COLEC10: variants seen among roughly 807,000 people sequenced by gnomAD.
The protein encoded by COLEC10 is collectin-10.
A neutral mutation model predicts 28.4 loss-of-function variants in COLEC10; 22 were observed. That is an observed-to-expected ratio of 0.78 (90% CI 0.55 to 1.11). The LOEUF is 1.11. Among genes scored for constraint, COLEC10 ranks in the 50% least tolerant of loss-of-function variants. COLEC10 has a pLI of 0.00. For synonymous variants in COLEC10, 125 were observed against 116.1 expected (o/e 1.08, Z -0.49); for missense variants, 361 against 344.1 (o/e 1.05, Z -0.39).
At chr8:119,083,858 T>C (rs1815415382) in intron 1 of COLEC10, among the ~76,000 whole-genome samples, 1 of 152,164 alleles carries the variant, frequency 6.6e-6, no homozygotes, top group South Asian at 2.1e-4. Context: ...AGCTGTTATA[T>C]AGTAAATTCA....
the COLEC10 span, among the ~76,000 whole-genome samples, chr8:118,978,977 A>G: frequency 2.4e-4 from 36 of 152,030 alleles, no homozygotes; most frequent in African/African-American, 8.7e-4. Context: ...TTCTGATTTT[A>G]TTTATGGTGT....
intron 4 of COLEC10, chr8:119,102,639 A>G (rs1815860622): frequency 2.4e-6 from 1 of 411,140 alleles, no homozygotes; most frequent in Non-Finnish European, 4.3e-6. Flanking sequence ...ATGAGAAGAA[A>G]GCCCAGCCCA....
intron 2 of COLEC10, among the ~76,000 whole-genome samples, chr8:119,016,392 T>C (rs1451445084): frequency 1.3e-5 from 2 of 152,206 alleles, no homozygotes; most frequent in African/African-American, 4.8e-5. Context: ...TTCCATGGTA[T>C]GTATGTGCCA....
intron 2 of COLEC10, among the ~76,000 whole-genome samples, chr8:119,046,827 GC>G (rs1297821222): frequency 6.6e-6 from 1 of 152,146 alleles, no homozygotes; most frequent in East Asian, 1.9e-4. Flanking sequence ...GCATGGTGTT[GC>G]CTATTTAGGA....
At chr8:119,037,151 A>G (rs1814403454) in intron 2 of COLEC10, among the ~76,000 whole-genome samples, 1 of 152,148 alleles carries the variant, frequency 6.6e-6, no homozygotes, top group Non-Finnish European at 1.5e-5. Flanking sequence ...CCCATCCCAA[A>G]CCAGAGAAGG....
intron 2 of COLEC10, among the ~76,000 whole-genome samples, chr8:119,048,766 G>C (rs1587018824): frequency 6.6e-6 from 1 of 152,128 alleles, no homozygotes; most frequent in Admixed American, 6.5e-5. Context: ...AGACAGCAGA[G>C]GGTTGGGGCT....
At chr8:119,052,184 T>C (rs1047206127) in intron 2 of COLEC10, among the ~76,000 whole-genome samples, 2 of 152,302 alleles carry the variant, frequency 1.3e-5, no homozygotes, top group Admixed American at 6.5e-5. Context: ...GTCATGGTGA[T>C]TGTAAAGCAT....
chr8:119,040,225 C>CA lies in COLEC10; in HGVS notation n.235+30679dup, dbSNP rs549007514. 3.2e-3 allele frequency among the ~76,000 whole-genome samples: 490 copies of CA among 151,756 alleles called. 1 individual carries two copies. Among genetic ancestry groups the CA allele is most frequent in the African/African-American group, 0.011 (452 of 41,432 alleles). On this transcript the variant is annotated intron_variant and non_coding_transcript_variant, in intron 2 of 6. Coordinates refer to the COLEC10 transcript ENST00000521788. Reference sequence around the variant, plus strand: ...GAAGTCATGAGAAATAACGTGCAGGCAAAAAAAGGCAGTTACCAACCACAA... The same window carrying CA: ...GAAGTCATGAGAAATAACGTGCAGGCAAAAAAAAGGCAGTTACCAACCACAA...
At chr8:119,052,929 A>G (rs1814698857) in intron 2 of COLEC10, among the ~76,000 whole-genome samples, 1 of 152,142 alleles carries the variant, frequency 6.6e-6, no homozygotes, top group Non-Finnish European at 1.5e-5. Flanking sequence ...CCGGAGAGGA[A>G]GGGAATCTGG....
intron 2 of COLEC10, among the ~76,000 whole-genome samples, chr8:119,036,043 A>G (rs1412080264): frequency 6.6e-6 from 1 of 152,146 alleles, no homozygotes; most frequent in Non-Finnish European, 1.5e-5. Flanking sequence ...TTACATCTCT[A>G]TTTGTTTATG....
At chr8:119,061,010 T>C (rs1487980742) in intron 2 of COLEC10, among the ~76,000 whole-genome samples, 1 of 151,974 alleles carries the variant, frequency 6.6e-6, no homozygotes, top group Non-Finnish European at 1.5e-5. Flanking sequence ...AGAGAGCTAA[T>C]AAAAGTAAGA....
At chr8:118,990,181 G>T in the COLEC10 span, among the ~76,000 whole-genome samples, 1 of 151,930 alleles carries the variant, frequency 6.6e-6, no homozygotes, top group Non-Finnish European at 1.5e-5. Flanking sequence ...AAAAGAACAA[G>T]ATAGATTGTA....
At chr8:118,965,370 T>G in the COLEC10 span, among the ~76,000 whole-genome samples, 1 of 152,172 alleles carries the variant, frequency 6.6e-6, no homozygotes, top group Non-Finnish European at 1.5e-5. Flanking sequence ...GTCAAATCTC[T>G]TGGCATAGTA....
At chr8:118,983,520 C>T in the COLEC10 span, among the ~76,000 whole-genome samples, 1 of 151,948 alleles carries the variant, frequency 6.6e-6, no homozygotes, top group African/African-American at 2.4e-5. Flanking sequence ...GAACTGTGTC[C>T]CTTCAGAAGA....
the COLEC10 span, among the ~76,000 whole-genome samples, chr8:118,971,285 A>G: frequency 6.6e-6 from 1 of 151,960 alleles, no homozygotes; most frequent in African/African-American, 2.4e-5. Flanking sequence ...TCTTCCTTGC[A>G]AGGTCACCTC....
chr8:119,027,904 A>T (rs1256332223), intron 2 of COLEC10, among the ~76,000 whole-genome samples: 1 of 152,166 alleles, frequency 6.6e-6, no homozygotes, highest in Non-Finnish European at 1.5e-5. Flanking sequence ...TGAACTCTGG[A>T]ATTGGAAAGT....
At chr8:119,029,542 G>C (rs937188859) in intron 2 of COLEC10, among the ~76,000 whole-genome samples, 4 of 152,204 alleles carry the variant, frequency 2.6e-5, no homozygotes, top group Admixed American at 2.6e-4. Context: ...AAACCTATTG[G>C]AGTCATCTTG....
Position 119,101,976 on chromosome 8 carries a change from T to A in COLEC10, c.293-372T>A, listed in dbSNP as rs576582986. On this transcript the variant is annotated intron_variant, in intron 3 of 5. Coordinates refer to ENST00000332843, the MANE Select transcript of COLEC10 (RefSeq NM_006438.5). Reference sequence around the variant, plus strand: ...TGTATTAGCCTTGTTCAGAAGGCCATGTTATTAAAAAAAATGTTAATAGGA... The same window carrying A: ...TGTATTAGCCTTGTTCAGAAGGCCAAGTTATTAAAAAAAATGTTAATAGGA... Among the ~76,000 whole-genome samples, 3 of 149,578 alleles carry A rather than the reference T, an allele frequency of 2.0e-5. No homozygotes were observed. The East Asian group carries it at 5.8e-4, about 29-fold the overall frequency.
the COLEC10 span, among the ~76,000 whole-genome samples, chr8:118,976,096 C>T: frequency 6.6e-6 from 1 of 151,950 alleles, no homozygotes; most frequent in Admixed American, 6.6e-5. Context: ...GTTTCTAAGC[C>T]TTTCACTCCT....
Sources: allele counts gnomAD v4.1 joint callset (sites outside exome capture counted in the v4.1 genomes callset), GRCh38; gene constraint gnomAD v4.1.1; transcripts MANE v1.5; gene names NCBI Gene and HGNC (gene_info 2026-07-23, HGNC 2026-07-21).